Variants in SLC20A1 observed in about 807,000 individuals in gnomAD.
The protein encoded by SLC20A1 is sodium-dependent phosphate transporter 1.
Under a neutral mutation model 62.7 loss-of-function variants are expected in SLC20A1, and 28 were observed. The ratio of observed to expected loss-of-function variants is 0.45; its 90% CI spans 0.33 to 0.61. The LOEUF (loss-of-function observed/expected upper bound fraction) is 0.61, where lower values mean the gene tolerates loss of function less well. Among genes scored for constraint, SLC20A1 ranks in the 20% least tolerant of loss-of-function variants. The pLI is 0.02. For missense variants in SLC20A1, 673 were observed against 838.6 expected (o/e 0.80, Z 2.44); for synonymous variants, 305 against 302.9 (o/e 1.01, Z -0.07).
At position 112,660,372 on chromosome 2, in the gene SLC20A1, C is replaced by T. The variant is rs1686714807; in HGVS notation, c.1608-15C>T. The T allele has an allele frequency of 6.2e-7, 1 of 1,612,024 alleles. No homozygotes were observed. The highest frequency in any genetic ancestry group is 8.5e-7 in the Non-Finnish European group (1 of 1,178,910). ...CTGCCTGAAAAGTCACTTCTGCCCT[C>T]TTTGTTTCTTCCAGCAATGCCATTG... On this transcript the variant is annotated splice_polypyrimidine_tract_variant and intron_variant, in intron 8 of 10. Coordinates refer to ENST00000272542, the MANE Select transcript of SLC20A1 (RefSeq NM_005415.5).
In SLC20A1 at chr2:112,658,881, AAAG is replaced by A; in HGVS notation, c.840_842del (p.Glu280del). The A allele has an allele frequency of 6.2e-7, 1 of 1,614,134 alleles. No individual in the cohort carries two copies. On this transcript the variant is annotated inframe_deletion, in exon 7 of 11. Coordinates refer to ENST00000272542, the MANE Select transcript of SLC20A1 (RefSeq NM_005415.5). ...CTTAATGGAAAAAAAGAATAGCTTG[AAAG>A]AAGACCATGAAGAAACAAAGTTGTC...
Position 112,647,277 on chromosome 2 carries a change from A to G in SLC20A1, c.335-47A>G, listed in dbSNP as rs115019493. ...TAACCTTTCTGAATGTGCCACTTAC[A>G]TAATGGAATTTTGATATTTACTTAA... On this transcript the variant is annotated intron_variant, in intron 2 of 10. Coordinates refer to ENST00000272542, the MANE Select transcript of SLC20A1 (RefSeq NM_005415.5). 1,382 of 1,600,956 alleles carry G rather than the reference A, an allele frequency of 8.6e-4. 2 individuals are homozygous for G. The highest frequency in any genetic ancestry group is 1.1e-3 in the Non-Finnish European group (1,304 of 1,171,152).
At chr2:112,661,546 A>C (rs1215764877) in intron 10 of SLC20A1, among the ~76,000 whole-genome samples, 2 of 150,766 alleles carry the variant, frequency 1.3e-5, no homozygotes, top group African/African-American at 4.9e-5. Context: ...TGGCACCATT[A>C]TGTTTTATTT....
At position 112,658,930 on chromosome 2, in the gene SLC20A1, A is replaced by G; in HGVS notation, c.884A>G (p.Lys295Arg). The G allele has an allele frequency of 1.2e-6, 2 of 1,614,232 alleles. No individual in the cohort carries two copies. Among genetic ancestry groups the G allele is most frequent in the South Asian group, 1.1e-5 (1 of 91,084 alleles). The change falls in exon 7 of 11, where the codon AAG (lysine) becomes AGG (arginine). Residue 295 changes from lysine (K) to arginine (R), a missense_variant. By Grantham distance (26) the Lys-to-Arg change is conservative. Coordinates refer to ENST00000272542, the MANE Select transcript of SLC20A1 (RefSeq NM_005415.5). ...TKLSVGDIEN[K>R]HPVSEVGPAT... ...TTGTCTGTTGGTGATATTGAAAACA[A>G]GCATCCTGTTTCTGAGGTAGGGCCT... is the stretch of plus-strand genomic sequence containing the variant.
Position 112,656,520 on chromosome 2 carries a change from A to G in SLC20A1, c.659-602A>G, listed in dbSNP as rs371798506. On this transcript the variant is annotated intron_variant, in intron 5 of 10. Transcript: ENST00000272542. Reference sequence around the variant, plus strand: ...CTGGCTGAAAGACAAAGCTTTTACAACTATTCTTAAATTATCAACTTTTGA... The same window carrying G: ...CTGGCTGAAAGACAAAGCTTTTACAGCTATTCTTAAATTATCAACTTTTGA... 5.3e-5 allele frequency among the ~76,000 whole-genome samples: 8 copies of G among 152,272 alleles called. No homozygotes were observed. The East Asian group carries it at 9.7e-4, about 18-fold the overall frequency.
At chr2:112,655,421 A>T (rs1686557478) in intron 5 of SLC20A1, among the ~76,000 whole-genome samples, 1 of 151,982 alleles carries the variant, frequency 6.6e-6, no homozygotes, top group Non-Finnish European at 1.5e-5. Flanking sequence ...GTTGAGGAGC[A>T]TCTGTGATTT....
chr2:112,657,279 A>G (rs938635926), intron 6 of SLC20A1, 38 bp downstream of exon 6: 2 of 1,579,504 alleles, frequency 1.3e-6, no homozygotes, highest in East Asian at 2.3e-5. Flanking sequence ...TTTAACTACT[A>G]ATGTTGTGTT....
chr2:112,660,906 T>G (rs1300117854), intron 9 of SLC20A1: 1 of 497,164 alleles, frequency 2.0e-6, no homozygotes, highest in Non-Finnish European at 3.6e-6. Context: ...AGTGCAAATT[T>G]TATTTAATAG....
intron 5 of SLC20A1, among the ~76,000 whole-genome samples, chr2:112,655,157 C>A (rs1376782839): frequency 6.6e-6 from 1 of 151,770 alleles, no homozygotes; most frequent in African/African-American, 2.4e-5. Context: ...TTAGTAGATA[C>A]GTGGTTTCAC....
intron 4 of SLC20A1, among the ~76,000 whole-genome samples, chr2:112,649,477 A>G (rs1328197198): frequency 2.6e-5 from 4 of 152,248 alleles, no homozygotes; most frequent in Non-Finnish European, 4.4e-5. Flanking sequence ...AGCTTTTGGT[A>G]TCTTAACTGC....
chr2:112,649,352 T>C (rs1686366575), intron 4 of SLC20A1, among the ~76,000 whole-genome samples: 1 of 152,214 alleles, frequency 6.6e-6, no homozygotes, highest in African/African-American at 2.4e-5. Context: ...TCTGTGCACG[T>C]GCACACACAC....
chr2:112,647,126 G>C lies in SLC20A1; in HGVS notation c.298G>C (p.Gly100Arg), dbSNP rs1014651360. ...CGTGGAGATGTACAACTCGACTCAA[G>C]GGCTGCTGATGGCCGGCTCAGTCAG... ...IDVEMYNSTQ[G>R]LLMAGSVSAM... The change falls in exon 2 of 11, where the codon GGG becomes CGG. Residue 100 changes from glycine to arginine, a missense_variant. Physicochemically the swap from Gly to Arg is moderately radical, Grantham distance 125. Coordinates refer to ENST00000272542, the MANE Select transcript of SLC20A1 (RefSeq NM_005415.5). 3 of 1,614,046 alleles carry C rather than the reference G, an allele frequency of 1.9e-6. No individual in the cohort carries two copies. Among genetic ancestry groups the C allele is most frequent in the Non-Finnish European group, 2.5e-6 (3 of 1,179,920 alleles).
intron 5 of SLC20A1, among the ~76,000 whole-genome samples, chr2:112,653,671 T>C (rs1172671843): frequency 6.6e-6 from 1 of 150,694 alleles, no homozygotes; most frequent in Admixed American, 6.6e-5. Flanking sequence ...TTTTTTTTTT[T>C]CTTAACATTT....
rs1474187108 is a variant in SLC20A1 at position 112,646,017 on chromosome 2, T to C, written c.-379T>C. 2 of 151,730 alleles carry C rather than the reference T, an allele frequency of 1.3e-5. No individual in the cohort carries two copies. The highest frequency in any genetic ancestry group is 2.9e-5 in the Non-Finnish European group (2 of 68,130). 9.4% of individuals were successfully genotyped at this position (151,730 alleles called of 1,614,324 possible). ...CCCCCGCGGCTGCTTCCTGGGAAGG[T>C]CGTGAGTCCCGCTGAGCTGTCCCCG... On this transcript the variant is annotated 5_prime_UTR_variant, in exon 1 of 11. Coordinates refer to ENST00000272542, the MANE Select transcript of SLC20A1 (RefSeq NM_005415.5).
At position 112,660,881 on chromosome 2, in the gene SLC20A1, ACT is replaced by A; in HGVS notation, c.1794-258_1794-257del. 4 of 493,122 alleles carry A rather than the reference ACT, an allele frequency of 8.1e-6. No homozygotes were observed. The South Asian group carries it at 1.5e-4, about 18-fold the overall frequency. The allele number at this position is 493,122 out of a possible 1,614,324, so 30.5% of individuals were successfully genotyped here. On this transcript the variant is annotated intron_variant, in intron 9 of 10. Coordinates refer to ENST00000272542, the MANE Select transcript of SLC20A1 (RefSeq NM_005415.5). ...GGAGCTAAGACTCAATGTTTACCAA[ACT>A]CTTCAAAATAAAAGTGCAAATTTTA...
chr2:112,659,497 C>G lies in SLC20A1; in HGVS notation c.1342C>G (p.Leu448Val). ...GEQKGEEMEK[L>V]TWPNADSKKR... ...ACAGAAGGGCGAAGAAATGGAGAAG[C>G]TGACATGGCCTAATGCAGACTCCAA... Residue 448 changes from leucine (L) to valine (V), a missense_variant, in exon 8 of 11, where the codon CTG (leucine) becomes GTG (valine). Transcript: ENST00000272542. 1 of 1,614,248 alleles carries G rather than the reference C, an allele frequency of 6.2e-7. No homozygotes were observed. The highest frequency in any genetic ancestry group is 8.5e-7 in the Non-Finnish European group (1 of 1,180,042).
chr2:112,662,802 C>G lies in SLC20A1; in HGVS notation c.1879-62C>G, dbSNP rs557004529. The G allele has an allele frequency of 2.6e-5, 41 of 1,556,340 alleles. No individual in the cohort carries two copies. The Middle Eastern group carries it at 6.5e-4, about 25-fold the overall frequency. ...TCCTTGTCCAAACAGTCTCAGGTGT[C>G]TGTTTGCCAGAATACCACTGGCACT... On this transcript the variant is annotated intron_variant, in intron 10 of 10. Coordinates refer to ENST00000272542, the MANE Select transcript of SLC20A1 (RefSeq NM_005415.5).
intron 4 of SLC20A1, 190 bp from the exon 5 acceptor site, chr2:112,652,512 T>C (rs1192287323): frequency 1.7e-6 from 1 of 584,412 alleles, no homozygotes; most frequent in African/African-American, 1.9e-5. Flanking sequence ...AAAAAACAGG[T>C]AGAAGTTGGA....
At position 112,652,840 on chromosome 2, in the gene SLC20A1, T is replaced by G. The variant is rs775324835; in HGVS notation, c.658+42T>G. 7 of 1,611,900 alleles carry G rather than the reference T, an allele frequency of 4.3e-6. No homozygotes were observed. In the East Asian group the frequency reaches 1.3e-4, roughly 31 times the overall value. ...ATATTTAAATGTGAATTTAAAGTTG[T>G]TTACAAAACTTGCATTAAATGCCCA... On this transcript the variant is annotated intron_variant, in intron 5 of 10. Transcript: ENST00000272542.
Sources: gnomAD v4.1 joint callset for allele counts (sites outside exome capture counted in the v4.1 genomes callset) on GRCh38, gnomAD v4.1.1 for gene constraint, MANE v1.5 for transcripts, NCBI Gene and HGNC (gene_info 2026-07-23, HGNC 2026-07-21) for gene names.